The following PTPRN2 variants were observed in gnomAD, a reference collection of about 807,000 sequenced individuals.
The protein encoded by PTPRN2 is protein tyrosine phosphatase receptor type N2.
Under a neutral mutation model 118.8 loss-of-function variants are expected in PTPRN2, and 74 were observed. The observed-to-expected ratio is 0.62, with a 90% confidence interval of 0.52 to 0.76. PTPRN2 has a LOEUF of 0.76. Ranked by LOEUF, PTPRN2 falls within the 30% of genes least tolerant of loss-of-function variation. PTPRN2 has a pLI of 0.00. For synonymous variants in PTPRN2, 641 were observed against 608.0 expected (o/e 1.05, Z -0.80); for missense variants, 1,481 against 1,394.4 (o/e 1.06, Z -0.99).
At chr7:158,342,648 T>C (rs1188436631) in intron 2 of PTPRN2, among the ~76,000 whole-genome samples, 2 of 152,138 alleles carry the variant, frequency 1.3e-5, no homozygotes, top group African/African-American at 4.8e-5. Context: ...GTCAACTCAG[T>C]CAGTCCTTAT....
At position 157,610,832 on chromosome 7, in the gene PTPRN2, A is replaced by G. The variant is rs1390906993; in HGVS notation, c.2345-6757T>C. Among the ~76,000 whole-genome samples the G allele has an allele frequency of 6.6e-6, 1 of 152,220 alleles. No homozygotes were observed. Among genetic ancestry groups the G allele is most frequent in the African/African-American group, 2.4e-5 (1 of 41,452 alleles). On this transcript the variant is annotated intron_variant, in intron 15 of 22. Coordinates refer to ENST00000389418, the MANE Select transcript of PTPRN2 (RefSeq NM_002847.5). This position sits in a 1 kb window ranked among gnomAD's most constrained non-coding sequence, Gnocchi z 5.1. The stretch of plus-strand genomic sequence containing the variant: ...TCCTGTCCTTAGTCAGCAGGCAGAC[A>G]TTCTGCTTCCAACTATGCCTTTGGG...
intron 2 of PTPRN2, among the ~76,000 whole-genome samples, chr7:158,363,746 G>C (rs1809198095): frequency 6.6e-6 from 1 of 152,192 alleles, no homozygotes; most frequent in Non-Finnish European, 1.5e-5. Context: ...AGGGGGCGGG[G>C]CACGGGCCTG....
chr7:157,832,326 C>T (rs886938888), intron 12 of PTPRN2, among the ~76,000 whole-genome samples: 1 of 152,190 alleles, frequency 6.6e-6, no homozygotes, highest in Non-Finnish European at 1.5e-5. Context: ...CACACATTGC[C>T]AAGTGGCTCC....
At chr7:158,274,026 C>T in intron 3 of PTPRN2, among the ~76,000 whole-genome samples, 1 of 50,154 alleles carries the variant, frequency 2.0e-5, no homozygotes, top group East Asian at 6.7e-4. Flanking sequence ...ACAGGGGGAG[C>T]CGCAGACACA....
At chr7:157,655,767 A>G (rs536873652) in intron 14 of PTPRN2, among the ~76,000 whole-genome samples, 2 of 152,268 alleles carry the variant, frequency 1.3e-5, no homozygotes, top group Admixed American at 1.3e-4. Flanking sequence ...ACACCCGGAC[A>G]TTCATTATGT....
intron 12 of PTPRN2, among the ~76,000 whole-genome samples, chr7:157,872,673 C>T (rs1811181747): frequency 1.3e-5 from 2 of 152,252 alleles, no homozygotes; most frequent in South Asian, 2.1e-4. Context: ...GCGCCCAGGC[C>T]GCCTGTCCAA....
intron 14 of PTPRN2, 71 bp downstream of exon 14, chr7:157,656,286 T>C: frequency 7.0e-7 from 1 of 1,429,018 alleles, no homozygotes; most frequent in Admixed American, 2.1e-5. Context: ...GCGCAGATGC[T>C]GGGTGTTGCA....
intron 3 of PTPRN2, among the ~76,000 whole-genome samples, chr7:158,281,864 C>T (rs1255084952): frequency 2.0e-5 from 3 of 152,238 alleles, no homozygotes; most frequent in Non-Finnish European, 2.9e-5. Flanking sequence ...TGAACAGTCT[C>T]AGCTACTCTG....
chr7:158,085,184 A>G (rs1476289697), intron 10 of PTPRN2, among the ~76,000 whole-genome samples: 2 of 119,338 alleles, frequency 1.7e-5, no homozygotes, highest in Admixed American at 1.7e-4. Context: ...ATCCACACCC[A>G]CGACGCCCAT....
intron 2 of PTPRN2, among the ~76,000 whole-genome samples, chr7:158,466,926 A>C (rs1351906731): frequency 1.3e-5 from 2 of 152,218 alleles, no homozygotes; most frequent in Non-Finnish European, 2.9e-5. Context: ...CTGTAATCCC[A>C]GCTACTCGGG....
intron 11 of PTPRN2, among the ~76,000 whole-genome samples, chr7:158,072,956 G>C (rs1812054367): frequency 1.3e-5 from 2 of 152,210 alleles, no homozygotes; most frequent in South Asian, 4.1e-4. Flanking sequence ...GGCAGAGCAG[G>C]AGAAACCCTC....
intron 12 of PTPRN2, among the ~76,000 whole-genome samples, chr7:157,796,049 C>T (rs540197238): frequency 1.3e-5 from 2 of 152,250 alleles, no homozygotes; most frequent in Non-Finnish European, 2.9e-5. Context: ...CCCCGTGAAA[C>T]AGCAAATAAA....
chr7:158,016,620 T>C (rs1206202340), intron 11 of PTPRN2, among the ~76,000 whole-genome samples: 2 of 152,232 alleles, frequency 1.3e-5, no homozygotes, highest in African/African-American at 2.4e-5. Flanking sequence ...CCGAGTCTCC[T>C]TGGAGTCAGT....
intron 4 of PTPRN2, among the ~76,000 whole-genome samples, chr7:158,198,046 T>G (rs765950510): frequency 4.6e-5 from 7 of 152,234 alleles, no homozygotes; most frequent in Admixed American, 2.0e-4. Context: ...TTTTAATTAA[T>G]GAAATTTCAT....
intron 12 of PTPRN2, among the ~76,000 whole-genome samples, chr7:157,778,978 T>G (rs1803511739): frequency 6.6e-6 from 1 of 152,174 alleles, no homozygotes; most frequent in Admixed American, 6.5e-5. Context: ...ACTTCCTGCT[T>G]TATGCTGGAA....
At chr7:157,836,998 T>C in intron 12 of PTPRN2, among the ~76,000 whole-genome samples, 2 of 119,008 alleles carry the variant, frequency 1.7e-5, no homozygotes, top group African/African-American at 3.3e-5. Context: ...CATGCATCCC[T>C]CCATCCACCC....
At chr7:157,586,708 A>G (rs1023608465) in intron 17 of PTPRN2, among the ~76,000 whole-genome samples, 3 of 152,018 alleles carry the variant, frequency 2.0e-5, no homozygotes, top group Admixed American at 2.0e-4. Context: ...CTGGAGACTC[A>G]GGGGCCCCGC....
At chr7:158,253,967 T>C (rs1280589564) in intron 3 of PTPRN2, among the ~76,000 whole-genome samples, 37 of 22,152 alleles carry the variant, frequency 1.7e-3, no homozygotes, top group Admixed American at 2.5e-3. Flanking sequence ...ACAGAGCCAC[T>C]GCCCACGGCA....
chr7:158,498,313 G>C (rs1260047334), intron 1 of PTPRN2, among the ~76,000 whole-genome samples: 1 of 152,180 alleles, frequency 6.6e-6, no homozygotes, highest in Non-Finnish European at 1.5e-5. Context: ...CTCTTACTTT[G>C]ATTAATTTCC....
Sources: gnomAD v4.1 joint callset for allele counts (sites outside exome capture counted in the v4.1 genomes callset) on GRCh38, gnomAD v4.1.1 for gene constraint, Gnocchi (gnomAD v3.1) non-coding constraint, MANE v1.5 for transcripts, NCBI Gene and HGNC (gene_info 2026-07-23, HGNC 2026-07-21) for gene names.